Variants in MAU2 observed in about 807,000 individuals in gnomAD.
The protein encoded by MAU2 is MAU2 sister chromatid cohesion factor.
MAU2 carries 9 observed loss-of-function variants against 89.1 expected under a neutral mutation model. The ratio of observed to expected loss-of-function variants is 0.10; its 90% CI spans 0.06 to 0.18. MAU2 has a LOEUF of 0.18. Among genes scored for constraint, MAU2 ranks in the 10% least tolerant of loss-of-function variants. The probability of loss-of-function intolerance (pLI) is 1.00; values close to 1 mark genes in which losing one functional copy is unlikely to be tolerated. For missense variants in MAU2, 425 were observed against 803.5 expected (o/e 0.53, Z 5.69); for synonymous variants, 357 against 343.4 (o/e 1.04, Z -0.44).
chr19:19,348,656 C>T (rs1368096020), intron 13 of MAU2: 1 of 633,214 alleles, frequency 1.6e-6, no homozygotes, highest in Non-Finnish European at 2.8e-6. Flanking sequence ...ACGCCCAGGC[C>T]CCTGTCACCT....
chr19:19,345,357 C>T lies in MAU2; in HGVS notation c.1209C>T (p.Thr403=). The change falls in exon 12 of 19, where the codon ACC becomes ACT. Residue 403 remains threonine (T), a synonymous_variant. Transcript: ENST00000262815. This position sits in a 1 kb window ranked among gnomAD's most constrained non-coding sequence, Gnocchi z 4.9. ...TGGACAACGCGGAAGCCCAGTTCACCACGGCCCTGCGGGTAAGGTGCCGGC... is the reference window on the plus strand; with the variant it reads ...TGGACAACGCGGAAGCCCAGTTCACTACGGCCCTGCGGGTAAGGTGCCGGC... ...NCMDNAEAQF[T]TALRLTNHQE... is the part of the protein sequence containing the mutation. 1.9e-6 allele frequency: 3 copies of T among 1,613,806 alleles called. No homozygotes were observed. Among genetic ancestry groups the T allele is most frequent in the South Asian group, 1.1e-5 (1 of 91,084 alleles).
At chr19:19,323,797 T>C (rs969379332) in intron 1 of MAU2, among the ~76,000 whole-genome samples, 6 of 152,230 alleles carry the variant, frequency 3.9e-5, no homozygotes, top group Non-Finnish European at 8.8e-5. Flanking sequence ...AAGGCAACTT[T>C]AGTCCTCACT....
intron 7 of MAU2, among the ~76,000 whole-genome samples, chr19:19,342,134 G>A (rs959312706): frequency 1.3e-5 from 2 of 152,132 alleles, no homozygotes; most frequent in Non-Finnish European, 2.9e-5. Flanking sequence ...GGGGCCTCAG[G>A]GCGAGATGGA....
At chr19:19,323,349 A>T (rs2061478926) in intron 1 of MAU2, among the ~76,000 whole-genome samples, 1 of 151,116 alleles carries the variant, frequency 6.6e-6, no homozygotes, top group Admixed American at 6.6e-5. Context: ...CTTGCACCAC[A>T]TCATCTGGCT....
Position 19,344,797 on chromosome 19 carries a change from C to T in MAU2, c.1078-52C>T, listed in dbSNP as rs988960135. On this transcript the variant is annotated intron_variant, in intron 10 of 18. Coordinates refer to ENST00000262815, the MANE Select transcript of MAU2 (RefSeq NM_015329.4). Reference sequence around the variant, plus strand: ...TGGGGTCTCTCCATTGCTGCTCAGACGCCAGGTCCCAGGTTGCAGTCCTGT... The same window carrying T: ...TGGGGTCTCTCCATTGCTGCTCAGATGCCAGGTCCCAGGTTGCAGTCCTGT... The T allele has an allele frequency of 2.6e-5, 39 of 1,488,792 alleles. 1 individual carries two copies. Among genetic ancestry groups the T allele is most frequent in the South Asian group, 2.3e-4 (20 of 86,968 alleles). 92.2% of individuals were successfully genotyped at this position (1,488,792 alleles called of 1,614,324 possible). A position where few individuals can be genotyped will look rare whatever the true frequency, so the allele number is the denominator to read the frequency against.
At chr19:19,344,461 A>G (rs2061677943) in intron 10 of MAU2, 2 of 281,106 alleles carry the variant, frequency 7.1e-6, no homozygotes, top group South Asian at 1.2e-4. Flanking sequence ...AAGCTTGCAC[A>G]CCAAGGGGAT....
intron 7 of MAU2, among the ~76,000 whole-genome samples, 169 bp downstream of exon 7, chr19:19,341,576 C>T (rs1466666924): frequency 1.3e-5 from 2 of 152,226 alleles, no homozygotes; most frequent in African/African-American, 4.8e-5. Flanking sequence ...TGCTCTGCCA[C>T]GAGTGCTGGT....
intron 7 of MAU2, among the ~76,000 whole-genome samples, chr19:19,342,164 C>G (rs2061654375): frequency 6.6e-6 from 1 of 152,164 alleles, no homozygotes; most frequent in African/African-American, 2.4e-5. Context: ...CTGCCTGATT[C>G]CTGGGCCAGG....
intron 1 of MAU2, among the ~76,000 whole-genome samples, chr19:19,334,013 C>T (rs1463446345): frequency 6.6e-6 from 1 of 152,210 alleles, no homozygotes; most frequent in Non-Finnish European, 1.5e-5. Context: ...TCACAGTCCC[C>T]TCTCTCCTGT....
intron 16 of MAU2, among the ~76,000 whole-genome samples, chr19:19,349,727 C>T (rs1271910988): frequency 1.3e-5 from 2 of 152,142 alleles, no homozygotes; most frequent in Non-Finnish European, 2.9e-5. Flanking sequence ...AAGGAGCTGC[C>T]CTGAGCTACT....
chr19:19,345,760 C>T lies in MAU2; in HGVS notation c.1221+391C>T, dbSNP rs555619264. On this transcript the variant is annotated intron_variant, in intron 12 of 18. Coordinates refer to ENST00000262815, the MANE Select transcript of MAU2 (RefSeq NM_015329.4). The surrounding 1 kb of genome is among the most constrained non-coding windows in gnomAD (Gnocchi z 4.9). ...ATGGGGAGTGGTGGAGCTGGGCCAT[C>T]TCCCAGGTGCTCTTTGGACAGAGGA... 3.5e-4 allele frequency among the ~76,000 whole-genome samples: 54 copies of T among 152,312 alleles called. No individual in the cohort carries two copies. The highest frequency in any genetic ancestry group is 1.2e-3 in the African/African-American group (49 of 41,568).
At chr19:19,340,660 A>AAT (rs1413951138) in intron 5 of MAU2, among the ~76,000 whole-genome samples, 186 bp from the exon 6 acceptor site, 1 of 152,120 alleles carries the variant, frequency 6.6e-6, no homozygotes, top group Non-Finnish European at 1.5e-5. Flanking sequence ...TAAATAAATA[A>AAT]AAATAAAAAT....
At position 19,342,579 on chromosome 19, in the gene MAU2, C is replaced by T; in HGVS notation, c.780C>T (p.Ile260=). 1 of 1,611,048 alleles carries T rather than the reference C, an allele frequency of 6.2e-7. No homozygotes were observed. The highest frequency in any genetic ancestry group is 8.5e-7 in the Non-Finnish European group (1 of 1,178,454). The change falls in exon 8 of 19, where the codon ATC becomes ATT. Residue 260 remains isoleucine, a synonymous_variant. Transcript: ENST00000262815. ...GTCTGAAGCAGCTGCAGCAGTGCATCCAGACCATCTCCACACTGCACGATG... is the reference window on the plus strand; with the variant it reads ...GTCTGAAGCAGCTGCAGCAGTGCATTCAGACCATCTCCACACTGCACGATG... ...KPCLKQLQQC[I]QTISTLHDDE...
intron 1 of MAU2, among the ~76,000 whole-genome samples, chr19:19,328,159 CAAAAAA>C (rs946417731): frequency 2.4e-4 from 21 of 89,166 alleles, no homozygotes; most frequent in Admixed American, 2.0e-3. Context: ...GACCCTGTCT[CAAAAAA>C]AAAAAAAAAA....
chr19:19,326,691 A>ATATATATATATATATACGTAT (rs1555792830), intron 1 of MAU2, among the ~76,000 whole-genome samples: 5 of 109,448 alleles, frequency 4.6e-5, no homozygotes, highest in Non-Finnish European at 9.5e-5. Context: ...CTCAAAAAAA[A>ATATATATATATATATACGTAT]ATATATATAT....
intron 1 of MAU2, among the ~76,000 whole-genome samples, chr19:19,330,572 C>T (rs770428121): frequency 1.3e-5 from 2 of 152,190 alleles, no homozygotes; most frequent in Non-Finnish European, 2.9e-5. Context: ...GAAACCCCGT[C>T]TCTACTGAAA....
At chr19:19,340,805 C>T (rs1256148038) in intron 5 of MAU2, 41 bp from the exon 6 acceptor site, 1 of 1,610,634 alleles carries the variant, frequency 6.2e-7, no homozygotes, top group Non-Finnish European at 8.5e-7. Context: ...CAGGAGGCTC[C>T]TGGGCCTGCT....
Position 19,338,787 on chromosome 19 carries a change from A to G in MAU2, c.457-58A>G, listed in dbSNP as rs1057027006. The G allele has an allele frequency of 7.8e-6, 10 of 1,284,426 alleles. No homozygotes were observed. In the African/African-American group the frequency reaches 1.4e-4, roughly 19 times the overall value. The allele number at this position is 1,284,426 out of a possible 1,614,324, so 79.6% of individuals were successfully genotyped here. ...GAGTTTGCTAACAGAGCACGAAGGC[A>G]GGTACCGTAAAACTGATGGGTTTGG... On this transcript the variant is annotated intron_variant, in intron 4 of 18. Transcript: ENST00000262815.
intron 16 of MAU2, chr19:19,352,354 G>A (rs774307217): frequency 1.3e-5 from 2 of 152,142 alleles, no homozygotes; most frequent in African/African-American, 4.8e-5. Flanking sequence ...GTTAACAAAC[G>A]TGGTGCCCGC....
Sources: allele counts gnomAD v4.1 joint callset (sites outside exome capture counted in the v4.1 genomes callset), GRCh38; gene constraint gnomAD v4.1.1; non-coding constraint Gnocchi (gnomAD v3.1); transcripts MANE v1.5; gene names NCBI Gene and HGNC (gene_info 2026-07-23, HGNC 2026-07-21).